ANO10: variants seen among roughly 807,000 people sequenced by gnomAD.
The protein encoded by ANO10 is anoctamin 10, also known as anoctamin-10.
Under a neutral mutation model 74.7 loss-of-function variants are expected in ANO10, and 77 were observed. The ratio of observed to expected loss-of-function variants is 1.03; its 90% CI spans 0.86 to 1.25. ANO10 has a LOEUF of 1.25. Among genes scored for constraint, ANO10 ranks in the 50% most tolerant of loss-of-function variants. The pLI, the probability that ANO10 is intolerant of heterozygous loss-of-function variation, is 0.00. For missense variants in ANO10, 721 were observed against 778.1 expected, an observed-to-expected ratio of 0.93 and a Z score of 0.87; for synonymous variants, 279 against 284.9, an observed-to-expected ratio of 0.98 and a Z score of 0.21.
intron 11 of ANO10, among the ~76,000 whole-genome samples, chr3:43,438,303 GTGTGGTGCCACATGCCTGA>G (rs2093104523): frequency 6.6e-6 from 1 of 152,064 alleles, no homozygotes; most frequent in South Asian, 2.1e-4. Context: ...ACTTAGCTGG[GTGTGGTGCCACATGCCTGA>G]TGTCCCAGCT....
rs146311969 is a variant in ANO10 at position 43,504,356 on chromosome 3, C to T, written c.1797+45364G>A. Among the ~76,000 whole-genome samples the T allele has an allele frequency of 1.6e-4, 21 of 131,970 alleles. No homozygotes were observed. In the East Asian group the frequency reaches 4.5e-3, roughly 28 times the overall value. The allele number at this position is 131,970 out of a possible 152,430, so 86.6% of individuals were successfully genotyped here. A position where few individuals can be genotyped will look rare whatever the true frequency, so the allele number is the denominator to read the frequency against. ...GATAGATAGATAGATAAAAATAAAGCGTTGGGGATCTAAAGTGTGATCTAC... is the reference window on the plus strand; with the variant it reads ...GATAGATAGATAGATAAAAATAAAGTGTTGGGGATCTAAAGTGTGATCTAC... On this transcript the variant is annotated intron_variant, in intron 11 of 12. Coordinates refer to ENST00000292246, the MANE Select transcript of ANO10 (RefSeq NM_018075.5).
intron 11 of ANO10, among the ~76,000 whole-genome samples, chr3:43,457,165 A>C (rs935558714): frequency 2.6e-5 from 4 of 152,246 alleles, no homozygotes; most frequent in Non-Finnish European, 5.9e-5. Flanking sequence ...CTCCTTTGGT[A>C]TTGAACTTGA....
intron 1 of ANO10, among the ~76,000 whole-genome samples, chr3:43,664,843 A>G (rs2149574578): frequency 6.6e-6 from 1 of 152,316 alleles, no homozygotes; most frequent in Admixed American, 6.5e-5. Flanking sequence ...ATCTCACCCC[A>G]GTTAGAATGG....
chr3:43,686,192 C>G (rs1023883835), intron 1 of ANO10, among the ~76,000 whole-genome samples: 6 of 152,186 alleles, frequency 3.9e-5, no homozygotes, highest in Non-Finnish European at 7.3e-5. Context: ...TCTGTCAATC[C>G]TCTCCCGTCC....
upstream of ANO10, among the ~76,000 whole-genome samples, chr3:43,626,614 T>G (rs2083494953): frequency 6.6e-6 from 1 of 152,212 alleles, no homozygotes; most frequent in African/African-American, 2.4e-5. Context: ...TTCTTTACTT[T>G]TAAAATTTGA....
intron 11 of ANO10, among the ~76,000 whole-genome samples, chr3:43,433,094 A>G (rs2093014587): frequency 1.3e-5 from 2 of 150,876 alleles, no homozygotes; most frequent in South Asian, 4.2e-4. Context: ...CGAGTGCACC[A>G]TCACACCTAA....
At chr3:43,448,793 C>G (rs1482315852) in intron 11 of ANO10, among the ~76,000 whole-genome samples, 1 of 151,978 alleles carries the variant, frequency 6.6e-6, no homozygotes, top group African/African-American at 2.4e-5. Flanking sequence ...AGTGGCTGTA[C>G]CATTTTGCAT....
intron 11 of ANO10, among the ~76,000 whole-genome samples, chr3:43,489,709 G>A (rs1430082288): frequency 6.6e-6 from 1 of 152,018 alleles, no homozygotes. Context: ...TCAATTAACT[G>A]GTATTGAAAG....
chr3:43,387,445 T>C (rs2125709493), intron 12 of ANO10, among the ~76,000 whole-genome samples: 1 of 151,908 alleles, frequency 6.6e-6, no homozygotes, highest in East Asian at 1.9e-4. Context: ...GGGAGAGCAC[T>C]GTCAGGTGGA....
intron 2 of ANO10, among the ~76,000 whole-genome samples, chr3:43,600,909 A>G (rs1288445118): frequency 6.6e-6 from 1 of 152,226 alleles, no homozygotes; most frequent in Non-Finnish European, 1.5e-5. Flanking sequence ...TTGCAGTTTA[A>G]TATAAATAGA....
intron 12 of ANO10, among the ~76,000 whole-genome samples, chr3:43,416,419 T>C (rs992835789): frequency 2.0e-5 from 3 of 152,132 alleles, no homozygotes; most frequent in Admixed American, 6.5e-5. Flanking sequence ...TCTAAAAGAA[T>C]AGCCATCAAA....
chr3:43,513,163 T>C (rs980047622), intron 11 of ANO10, among the ~76,000 whole-genome samples: 5 of 152,260 alleles, frequency 3.3e-5, no homozygotes, highest in Non-Finnish European at 7.4e-5. Context: ...TCAGACCAGG[T>C]TGGAAGAAAC....
At position 43,492,182 on chromosome 3, in the gene ANO10, A is replaced by T. The variant is rs1036308971; in HGVS notation, c.1797+57538T>A. ...TTTGACAAACCTGACACACACAAGC[A>T]GTGGAGAAAAGATTCCCTGTTTAAT... On this transcript the variant is annotated intron_variant, in intron 11 of 12. Transcript: ENST00000292246. Among the ~76,000 whole-genome samples the T allele has an allele frequency of 2.6e-5, 4 of 152,340 alleles. No individual in the cohort carries two copies. In the East Asian group the frequency reaches 7.7e-4, roughly 29 times the overall value.
intron 11 of ANO10, among the ~76,000 whole-genome samples, chr3:43,518,679 G>T (rs548437406): frequency 2.0e-5 from 3 of 152,238 alleles, no homozygotes; most frequent in African/African-American, 7.2e-5. Context: ...GCCGCTCTAG[G>T]AATGTCTGTC....
intron 12 of ANO10, among the ~76,000 whole-genome samples, chr3:43,399,010 T>C (rs906388576): frequency 5.3e-5 from 8 of 152,148 alleles, no homozygotes; most frequent in African/African-American, 1.2e-4. Context: ...GTATTTTTAG[T>C]AGAGATGGGG....
intron 4 of ANO10, among the ~76,000 whole-genome samples, chr3:43,588,559 C>A: frequency 1.2e-5 from 1 of 81,444 alleles, no homozygotes. Flanking sequence ...TATAAATTTA[C>A]TTAGTAAAAA....
chr3:43,480,150 T>C (rs961343663), intron 11 of ANO10, among the ~76,000 whole-genome samples: 1 of 151,888 alleles, frequency 6.6e-6, no homozygotes, highest in African/African-American at 2.4e-5. Flanking sequence ...AATTGGGAAA[T>C]ACAGTTGAGA....
chr3:43,424,652 G>A (rs1016456663), intron 12 of ANO10: 1 of 152,160 alleles, frequency 6.6e-6, no homozygotes, highest in Non-Finnish European at 1.5e-5. Flanking sequence ...GATCCAATTA[G>A]TCGGTACTCC....
chr3:43,442,778 G>T (rs773237412), intron 11 of ANO10, among the ~76,000 whole-genome samples: 1 of 152,174 alleles, frequency 6.6e-6, no homozygotes, highest in Non-Finnish European at 1.5e-5. Context: ...ATGAAAAGCA[G>T]AATATATAAA....
Sources: allele counts gnomAD v4.1 joint callset (sites outside exome capture counted in the v4.1 genomes callset), GRCh38; gene constraint gnomAD v4.1.1; transcripts MANE v1.5; gene names NCBI Gene and HGNC (gene_info 2026-07-23, HGNC 2026-07-21).